The following TNFSF4 variants were observed in gnomAD, a reference collection of about 807,000 sequenced individuals.
TNFSF4 encodes the protein tumor necrosis factor ligand superfamily member 4.
Under a neutral mutation model 7.3 loss-of-function variants are expected in TNFSF4, and 4 were observed. The observed-to-expected ratio is 0.55, with a 90% CI of 0.27 to 1.25. The LOEUF (loss-of-function observed/expected upper bound fraction) is 1.25, where lower values mean the gene tolerates loss of function less well. Ranked by LOEUF, TNFSF4 falls within the 50% of genes most tolerant of loss-of-function variation. TNFSF4 has a pLI of 0.12. For synonymous variants in TNFSF4, 76 were observed against 83.7 expected (o/e 0.91, Z 0.50); for missense variants, 181 against 208.8 (o/e 0.87, Z 0.82).
the TNFSF4 span, among the ~76,000 whole-genome samples, chr1:173,429,039 A>G: frequency 6.6e-6 from 1 of 152,074 alleles, no homozygotes; most frequent in Admixed American, 6.6e-5. Flanking sequence ...GAAAGAAATA[A>G]CATATCAAAT....
chr1:173,214,779 C>A, the TNFSF4 span, among the ~76,000 whole-genome samples: 2 of 152,158 alleles, frequency 1.3e-5, no homozygotes, highest in Non-Finnish European at 2.9e-5. Context: ...TTCTCTGTGT[C>A]AGGCACAAAA....
At chr1:173,248,473 A>G in the TNFSF4 span, among the ~76,000 whole-genome samples, 1 of 151,188 alleles carries the variant, frequency 6.6e-6, no homozygotes. Flanking sequence ...AAAGAAAAAG[A>G]AAGAAGGAAG....
chr1:173,201,233 A>G (rs1649929079), intron 1 of TNFSF4, among the ~76,000 whole-genome samples: 1 of 152,132 alleles, frequency 6.6e-6, no homozygotes, highest in African/African-American at 2.4e-5. Context: ...AACCTCATAA[A>G]TTCTCCCCTT....
the TNFSF4 span, among the ~76,000 whole-genome samples, chr1:173,300,887 G>A: frequency 1.3e-5 from 2 of 151,838 alleles, no homozygotes; most frequent in Non-Finnish European, 2.9e-5. Context: ...GTTTACTTAG[G>A]TGCCTTTATC....
intron 1 of TNFSF4, among the ~76,000 whole-genome samples, chr1:173,206,210 T>C (rs774138090): frequency 6.6e-5 from 10 of 152,138 alleles, no homozygotes; most frequent in African/African-American, 9.7e-5. Context: ...TAGATTTATT[T>C]TTCTCCAGTG....
chr1:173,223,025 T>C, the TNFSF4 span, among the ~76,000 whole-genome samples: 4 of 152,188 alleles, frequency 2.6e-5, no homozygotes, highest in Non-Finnish European at 5.9e-5. Flanking sequence ...AATGTAATGG[T>C]TAAGAGCAAG....
chr1:173,386,540 C>T, the TNFSF4 span, among the ~76,000 whole-genome samples: 32 of 152,238 alleles, frequency 2.1e-4, 1 homozygote, highest in African/African-American at 7.7e-4. Flanking sequence ...GGAGTGGGGC[C>T]ACAGCAGACA....
chr1:173,404,388 G>A, the TNFSF4 span, among the ~76,000 whole-genome samples: 1 of 152,222 alleles, frequency 6.6e-6, no homozygotes, highest in Admixed American at 6.5e-5. Context: ...CTACTGCAGA[G>A]AGGGAAGTAG....
At position 173,186,228 on chromosome 1, in the gene TNFSF4, C is replaced by A; in HGVS notation, c.*288G>T. The A allele has an allele frequency of 3.2e-6, 1 of 310,602 alleles. No homozygotes were observed. Among genetic ancestry groups the A allele is most frequent in the Non-Finnish European group, 5.9e-6 (1 of 168,550 alleles). 19.2% of individuals were successfully genotyped at this position (310,602 alleles called of 1,614,324 possible). A position where few individuals can be genotyped will look rare whatever the true frequency, so the allele number is the denominator to read the frequency against. ...GAAACAATGCATCTTGAAGAAGAGG[C>A]ATCTATTTTTTCTTTCTCACAAAGG... On this transcript the variant is annotated 3_prime_UTR_variant, in exon 3 of 3. Coordinates refer to ENST00000281834, the MANE Select transcript of TNFSF4 (RefSeq NM_003326.5).
At chr1:173,329,825 C>CA in the TNFSF4 span, among the ~76,000 whole-genome samples, 4 of 148,174 alleles carry the variant, frequency 2.7e-5, no homozygotes, top group African/African-American at 9.9e-5. Flanking sequence ...GTCTCAACCA[C>CA]AAAAAAAGAA....
At position 173,202,091 on chromosome 1, in the gene TNFSF4, A is replaced by G. The variant is rs1467777250; in HGVS notation, c.153+4933T>C. 6.2e-5 allele frequency among the ~76,000 whole-genome samples: 9 copies of G among 144,206 alleles called. No individual in the cohort carries two copies. In the East Asian group the frequency reaches 1.8e-3, roughly 28 times the overall value. The allele number at this position is 144,206 out of a possible 152,430, so 94.6% of individuals were successfully genotyped here. On this transcript the variant is annotated intron_variant, in intron 1 of 2. Transcript: ENST00000281834. ...TATATACACACACACATACACATAT[A>G]TATAAAAGAAGAAGAAGAAGTGGAA...
At chr1:173,375,643 TCTGTAAAATGCACCAATCAGCC>T in the TNFSF4 span, among the ~76,000 whole-genome samples, 1,315 of 152,088 alleles carry the variant, frequency 8.6e-3, 19 homozygotes, top group African/African-American at 0.031. Flanking sequence ...CAATCAGCAC[TCTGTAAAATGCACCAATCAGCC>T]GGATCCTAAA....
chr1:173,270,385 GAA>G, the TNFSF4 span, among the ~76,000 whole-genome samples: 1 of 152,178 alleles, frequency 6.6e-6, no homozygotes, highest in Middle Eastern at 3.4e-3. Context: ...ACTGTACATA[GAA>G]AAGTGAAGAG....
chr1:173,181,042 G>A (rs1031529604), downstream of TNFSF4, among the ~76,000 whole-genome samples: 4 of 152,138 alleles, frequency 2.6e-5, no homozygotes, highest in African/African-American at 9.7e-5. Context: ...AATTTAAAAG[G>A]CCATGTTGCC....
the TNFSF4 span, among the ~76,000 whole-genome samples, chr1:173,423,725 AC>A: frequency 2.0e-5 from 3 of 152,242 alleles, no homozygotes; most frequent in African/African-American, 7.2e-5. Context: ...AGCAAAGTGA[AC>A]CAAAACTATG....
At chr1:173,252,123 A>T in the TNFSF4 span, among the ~76,000 whole-genome samples, 2 of 152,070 alleles carry the variant, frequency 1.3e-5, no homozygotes, top group Admixed American at 6.6e-5. Flanking sequence ...TAGTTGGCTA[A>T]CTAGATCAAA....
the TNFSF4 span, among the ~76,000 whole-genome samples, chr1:173,401,011 T>A: frequency 6.8e-6 from 1 of 146,058 alleles, no homozygotes; most frequent in Non-Finnish European, 1.5e-5. Context: ...TGAATACAAT[T>A]GTGTGTGTGC....
At chr1:173,370,673 C>T in the TNFSF4 span, among the ~76,000 whole-genome samples, 2,578 of 152,218 alleles carry the variant, frequency 0.017, 66 homozygotes, top group African/African-American at 0.059. Context: ...GCTCCAAAAG[C>T]GAGCCCTGGG....
the TNFSF4 span, among the ~76,000 whole-genome samples, chr1:173,245,508 T>C: frequency 1.3e-4 from 20 of 152,332 alleles, no homozygotes; most frequent in African/African-American, 4.8e-4. Flanking sequence ...TACAGCGTGA[T>C]GTTTCCATAC....
Sources: allele counts gnomAD v4.1 joint callset (sites outside exome capture counted in the v4.1 genomes callset), GRCh38; gene constraint gnomAD v4.1.1; transcripts MANE v1.5; gene names NCBI Gene and HGNC (gene_info 2026-07-23, HGNC 2026-07-21).